Variants in ANO10 observed in about 807,000 individuals in gnomAD.
ANO10 encodes the protein anoctamin-10.
A neutral mutation model predicts 74.7 loss-of-function variants in ANO10; 77 were observed. The observed-to-expected ratio is 1.03, with a 90% CI of 0.86 to 1.25. ANO10 has a LOEUF of 1.25. ANO10 is among the 50% of genes most tolerant of loss of function. The pLI, the probability that ANO10 is intolerant of heterozygous loss-of-function variation, is 0.00. For missense variants in ANO10, 721 were observed against 778.1 expected (o/e 0.93, Z 0.87); for synonymous variants, 279 against 284.9 (o/e 0.98, Z 0.21).
chr3:43,643,926 C>T (rs1045176189), intron 1 of ANO10, among the ~76,000 whole-genome samples: 27 of 152,010 alleles, frequency 1.8e-4, no homozygotes, highest in African/African-American at 6.3e-4. Context: ...CCTCATGATC[C>T]GCCCGCCTTG....
intron 11 of ANO10, among the ~76,000 whole-genome samples, chr3:43,518,921 TTGTGA>T (rs2077828093): frequency 6.6e-6 from 1 of 152,160 alleles, no homozygotes; most frequent in Non-Finnish European, 1.5e-5. Context: ...CCCATTTGCC[TTGTGA>T]TATTTTATTG....
chr3:43,411,599 C>T (rs1364948360), intron 12 of ANO10, among the ~76,000 whole-genome samples: 2 of 152,140 alleles, frequency 1.3e-5, no homozygotes, highest in African/African-American at 4.8e-5. Flanking sequence ...CAGAGCAGGG[C>T]TGGCAGGAGT....
Position 43,600,409 on chromosome 3 carries a change from G to C in ANO10, c.312C>G (p.Thr104=), listed in dbSNP as rs757830418. 6.2e-7 allele frequency: 1 copy of C among 1,613,902 alleles called. No individual in the cohort carries two copies. The highest frequency in any genetic ancestry group is 8.5e-7 in the Non-Finnish European group (1 of 1,179,960). ...CATCAAAACCTTTGAAGTTCTGTCT[G>C]GTTCTGTATGTGAAGGCTCTCATGG... The part of the protein sequence containing the change: ...DNTMRAFTYR[T]RQNFKGFDDN... Residue 104 remains threonine (T), a synonymous_variant, in exon 3 of 13, where the codon ACC becomes ACG. Coordinates refer to ENST00000292246, the MANE Select transcript of ANO10 (RefSeq NM_018075.5).
chr3:43,660,639 T>G (rs1329578140), intron 1 of ANO10, among the ~76,000 whole-genome samples: 2 of 152,070 alleles, frequency 1.3e-5, no homozygotes, highest in Non-Finnish European at 2.9e-5. Flanking sequence ...CCTGAAAGTG[T>G]TAGGGAGAAC....
intron 4 of ANO10, among the ~76,000 whole-genome samples, chr3:43,580,891 A>G (rs531591359): frequency 6.6e-6 from 1 of 152,322 alleles, no homozygotes; most frequent in African/African-American, 2.4e-5. Flanking sequence ...TATACAGTGA[A>G]TATTTTTTGA....
At chr3:43,382,082 A>G (rs2091975440) in intron 12 of ANO10, among the ~76,000 whole-genome samples, 2 of 152,250 alleles carry the variant, frequency 1.3e-5, no homozygotes, top group African/African-American at 4.8e-5. Context: ...GATACAGCAA[A>G]GGTGGTGCTA....
In ANO10 at chr3:43,366,657, G is replaced by A. The variant is rs1261446529; in HGVS notation, c.*249C>T. The A allele has an allele frequency of 5.2e-6, 3 of 572,650 alleles. No individual in the cohort carries two copies. The African/African-American group carries it at 5.6e-5, about 11-fold the overall frequency. The allele number at this position is 572,650 out of a possible 1,614,324, so 35.5% of individuals were successfully genotyped here. On this transcript the variant is annotated 3_prime_UTR_variant, in exon 13 of 13. Transcript: ENST00000292246. ...TGCAGCAAAGTTGGCAGCTGGAGCA[G>A]CGTGTGGGGCCCGGGAAGGAACTGG... is the stretch of plus-strand genomic sequence containing the variant.
intron 11 of ANO10, among the ~76,000 whole-genome samples, chr3:43,460,496 T>C (rs72865005): frequency 0.15 from 22,283 of 152,268 alleles, 2,073 homozygotes; most frequent in African/African-American, 0.26. Context: ...CATTCTGGCA[T>C]TGGGGGATGG....
At chr3:43,511,507 C>T (rs547576789) in intron 11 of ANO10, among the ~76,000 whole-genome samples, 1 of 152,250 alleles carries the variant, frequency 6.6e-6, no homozygotes, top group South Asian at 2.1e-4. Context: ...TAAACTTAAG[C>T]ATCTTTCTTC....
intron 8 of ANO10, among the ~76,000 whole-genome samples, chr3:43,565,250 G>A (rs9311341): frequency 6.6e-6 from 1 of 151,998 alleles, no homozygotes; most frequent in African/African-American, 2.4e-5. Flanking sequence ...GCACTGCATA[G>A]GATCCACTGG....
intron 11 of ANO10, among the ~76,000 whole-genome samples, chr3:43,538,687 A>C (rs546606064): frequency 6.6e-6 from 1 of 152,144 alleles, no homozygotes; most frequent in Non-Finnish European, 1.5e-5. Flanking sequence ...GGTCTTTTGG[A>C]CTTGAGGGTG....
rs139857973 is a variant in ANO10, at chr3:43,514,874, T to A, written c.1797+34846A>T. ...AACTAACATACTTCTAAATAACACA[T>A]GGGTCAAAGAAGAAATCAAAAGAAG... is the stretch of plus-strand genomic sequence containing the variant. On this transcript the variant is annotated intron_variant, in intron 11 of 12. Transcript: ENST00000292246. 3.7e-4 allele frequency among the ~76,000 whole-genome samples: 57 copies of A among 152,218 alleles called. 2 individuals are homozygous for A. The East Asian group carries it at 9.6e-3, about 26-fold the overall frequency.
intron 12 of ANO10, among the ~76,000 whole-genome samples, chr3:43,380,799 T>C (rs1484649934): frequency 6.6e-6 from 1 of 152,074 alleles, no homozygotes; most frequent in African/African-American, 2.4e-5. Context: ...AACAAGGCAT[T>C]CAGGCAACAA....
Position 43,513,105 on chromosome 3 carries a change from A to G in ANO10, c.1797+36615T>C, listed in dbSNP as rs147444654. Among the ~76,000 whole-genome samples the G allele has an allele frequency of 5.2e-3, 786 of 152,316 alleles. 5 individuals are homozygous for G. Among genetic ancestry groups the G allele is most frequent in the African/African-American group, 0.017 (714 of 41,574 alleles). ...CCCTCAAGTTTTCAGTAGAGGTCTT[A>G]CCAGCACACGTATGTGAGGAAACTA... is the stretch of plus-strand genomic sequence containing the variant. On this transcript the variant is annotated intron_variant, in intron 11 of 12. Transcript: ENST00000292246.
At chr3:43,663,295 G>C (rs988246649) in intron 1 of ANO10, among the ~76,000 whole-genome samples, 2 of 151,594 alleles carry the variant, frequency 1.3e-5, no homozygotes, top group South Asian at 4.2e-4. Context: ...CAAAAACCAC[G>C]ATTATCTTAA....
chr3:43,650,943 C>T (rs1324372655), intron 1 of ANO10, among the ~76,000 whole-genome samples: 1 of 152,164 alleles, frequency 6.6e-6, no homozygotes, highest in Non-Finnish European at 1.5e-5. Context: ...ACAATAGCAT[C>T]CTCCTTGAGG....
Position 43,651,742 on chromosome 3 carries a change from T to C in ANO10, c.-12+39775A>G, listed in dbSNP as rs561510937. ...CATTCTATGTTGAATCTTCCTTGCC[T>C]GGCCCTTAATAACATCAGGGGCAGG... On this transcript the variant is annotated intron_variant, in intron 1 of 3. Transcript: ENST00000413397. 3.3e-5 allele frequency among the ~76,000 whole-genome samples: 5 copies of C among 152,332 alleles called. No homozygotes were observed. The East Asian group carries it at 9.6e-4, about 29-fold the overall frequency.
At chr3:43,658,882 G>C (rs970972890) in intron 1 of ANO10, among the ~76,000 whole-genome samples, 2 of 152,096 alleles carry the variant, frequency 1.3e-5, no homozygotes, top group Admixed American at 6.5e-5. Flanking sequence ...TGATTGAGTG[G>C]GGTTCTATAA....
At chr3:43,513,800 C>T (rs2077603501) in intron 11 of ANO10, among the ~76,000 whole-genome samples, 2 of 151,938 alleles carry the variant, frequency 1.3e-5, no homozygotes, top group African/African-American at 2.4e-5. Flanking sequence ...ATTGAGCCAC[C>T]GTGCCCAGCC....
Sources: allele counts gnomAD v4.1 joint callset (sites outside exome capture counted in the v4.1 genomes callset), GRCh38; gene constraint gnomAD v4.1.1; transcripts MANE v1.5; gene names NCBI Gene and HGNC (gene_info 2026-07-23, HGNC 2026-07-21).